Variants in CD72 observed in about 807,000 individuals in gnomAD.
CD72 encodes the protein B-cell differentiation antigen CD72.
In CD72, 28 loss-of-function variants were observed where a neutral mutation model predicts 50.7. The ratio of observed to expected loss-of-function variants is 0.55; its 90% CI spans 0.41 to 0.76. The LOEUF (loss-of-function observed/expected upper bound fraction) is 0.76. CD72 is among the 30% of genes least tolerant of loss of function. The probability of loss-of-function intolerance (pLI) is 0.00; values close to 1 mark genes in which losing one functional copy is unlikely to be tolerated. For synonymous variants in CD72, 176 were observed against 171.2 expected, an observed-to-expected ratio of 1.03 and a Z score of -0.22; for missense variants, 403 against 420.6, an observed-to-expected ratio of 0.96 and a Z score of 0.37.
chr9:35,619,312 G>A (rs1465575081), upstream of CD72, among the ~76,000 whole-genome samples: 4 of 152,118 alleles, frequency 2.6e-5, no homozygotes, highest in Non-Finnish European at 5.9e-5. Context: ...GGTGCCCAAA[G>A]GTGCTCCCTA....
intron 6 of CD72, 39 bp from the exon 7 acceptor site, chr9:35,611,958 G>T: frequency 9.1e-7 from 1 of 1,101,426 alleles, no homozygotes; most frequent in Non-Finnish European, 1.4e-6. Context: ...TACATGGAGA[G>T]TGATGAGAAA....
At chr9:35,643,561 G>A (rs17466775) in intron 1 of CD72, 26,976 of 152,108 alleles carry the variant, frequency 0.18, 2,967 homozygotes, top group Non-Finnish European at 0.24. Flanking sequence ...GACTAAGCGC[G>A]CCGAGTCAAA....
chr9:35,621,865 C>T (rs1320153554), upstream of CD72, among the ~76,000 whole-genome samples: 1 of 152,186 alleles, frequency 6.6e-6, no homozygotes, highest in Non-Finnish European at 1.5e-5. Flanking sequence ...AGCAGATTTT[C>T]CCCTTCAGCA....
In CD72 at chr9:35,610,661, T is replaced by C. The variant is rs376092798; in HGVS notation, c.1043A>G (p.Tyr348Cys). 13 of 1,613,950 alleles carry C rather than the reference T, an allele frequency of 8.1e-6. No homozygotes were observed. The highest frequency in any genetic ancestry group is 2.2e-5 in the East Asian group (1 of 44,890). ...ESESCRSSLPYICEMTAFRFP... is the reference protein window; with the variant it reads ...ESESCRSSLPCICEMTAFRFP... ...CCTGAAAGCTGTCATCTCACAGATGTAGGGAAGAGAACTTCTACATGACTC... is the reference window on the plus strand; with the variant it reads ...CCTGAAAGCTGTCATCTCACAGATGCAGGGAAGAGAACTTCTACATGACTC... The change falls in exon 8 of 9, where the codon TAC becomes TGC. Residue 348 changes from tyrosine (Y) to cysteine (C), a missense_variant. Coordinates refer to ENST00000259633, the MANE Select transcript of CD72 (RefSeq NM_001782.3).
chr9:35,618,756 C>T (rs1214931073), upstream of CD72: 8 of 1,287,154 alleles, frequency 6.2e-6, no homozygotes, highest in South Asian at 4.9e-5. Flanking sequence ...ACGATCTCCC[C>T]AGCTCCAGGG....
At chr9:35,616,428 T>C (rs1823065288) in intron 4 of CD72, 150 bp from the exon 5 acceptor site, 9 of 826,106 alleles carry the variant, frequency 1.1e-5, no homozygotes, top group Middle Eastern at 4.7e-4. Context: ...AAGGAGGTAC[T>C]GGATTAGGTG....
At chr9:35,622,594 C>T (rs193209259), upstream of CD72, among the ~76,000 whole-genome samples, 45 of 152,188 alleles carry the variant, frequency 3.0e-4, no homozygotes, top group Non-Finnish European at 3.2e-4. Context: ...CGAGACCAGC[C>T]TGGCCAATAT....
intron 7 of CD72, among the ~76,000 whole-genome samples, chr9:35,611,257 A>G (rs1486576037): frequency 1.3e-5 from 2 of 152,112 alleles, no homozygotes; most frequent in Non-Finnish European, 2.9e-5. Flanking sequence ...TCTCAAAAAA[A>G]AAAAAAAGAT....
intron 6 of CD72, among the ~76,000 whole-genome samples, 158 bp from the exon 7 acceptor site, chr9:35,612,077 G>T (rs1322484122): frequency 6.6e-6 from 1 of 152,242 alleles, no homozygotes; most frequent in African/African-American, 2.4e-5. Context: ...CCACCCTGCA[G>T]ATGCAGGCTC....
chr9:35,617,336 A>C (rs1823082000), intron 2 of CD72, 89 bp from the exon 3 acceptor site: 5 of 1,418,312 alleles, frequency 3.5e-6, no homozygotes, highest in Non-Finnish European at 1.9e-6. Flanking sequence ...CGCCACTGGG[A>C]AACTCCAGTC....
intron 3 of CD72, 32 bp from the exon 4 acceptor site, chr9:35,616,721 T>G: frequency 6.5e-7 from 1 of 1,543,086 alleles, no homozygotes; most frequent in Non-Finnish European, 8.9e-7. Context: ...ATGAGGGCAG[T>G]CAGCCCCCGT....
chr9:35,617,517 T>C (rs995231172), intron 2 of CD72, among the ~76,000 whole-genome samples: 1 of 152,034 alleles, frequency 6.6e-6, no homozygotes, highest in South Asian at 2.1e-4. Context: ...CCCTTATCTG[T>C]CGGCTCCAAA....
chr9:35,626,112 A>G (rs935718447), intron 1 of CD72, among the ~76,000 whole-genome samples: 3 of 151,264 alleles, frequency 2.0e-5, no homozygotes, highest in Non-Finnish European at 4.4e-5. Context: ...AAGTAAACTG[A>G]GAACCTTCTG....
chr9:35,620,868 C>T (rs919595444), upstream of CD72, among the ~76,000 whole-genome samples: 3 of 152,092 alleles, frequency 2.0e-5, no homozygotes, highest in Admixed American at 1.3e-4. Flanking sequence ...AACTGCACAC[C>T]GCAATATCTT....
chr9:35,638,802 A>G (rs1445909102), intron 1 of CD72, among the ~76,000 whole-genome samples: 3 of 151,746 alleles, frequency 2.0e-5, no homozygotes, highest in Non-Finnish European at 4.4e-5. Flanking sequence ...CCCCCAAAGG[A>G]ACTATCAGGC....
intron 3 of CD72, 168 bp from the exon 4 acceptor site, chr9:35,616,857 G>C: frequency 9.8e-7 from 1 of 1,023,192 alleles, no homozygotes. Context: ...GGGGTGTTTC[G>C]CAGGTAGGGG....
chr9:35,641,038 C>T (rs1171621208), intron 1 of CD72, among the ~76,000 whole-genome samples: 3 of 152,224 alleles, frequency 2.0e-5, no homozygotes, highest in African/African-American at 4.8e-5. Context: ...GATTCTTAGT[C>T]GGCCTAGGAA....
intron 2 of CD72, 61 bp downstream of exon 2, chr9:35,617,953 T>A (rs1823093313): frequency 1.0e-6 from 1 of 969,186 alleles, no homozygotes; most frequent in Admixed American, 1.7e-5. Flanking sequence ...AAAAACATTG[T>A]GGACTCCCCA....
In CD72 at chr9:35,617,177, G is replaced by T; in HGVS notation, c.261C>A (p.Pro87=). ...VTSPAVGRIL[P]CRTTCLRYLL... is the part of the protein sequence containing the mutation. ...GCTGCCCCGCACAGGCACACTCACA[G>T]GGGAGAATCCGCCCGACAGCTGGTG... is the stretch of plus-strand genomic sequence containing the variant. Residue 87 remains proline, a splice_region_variant and synonymous_variant, in exon 3 of 9, where the codon CCC becomes CCA. Transcript: ENST00000259633. 1.3e-6 allele frequency: 2 copies of T among 1,563,332 alleles called. No homozygotes were observed. Among genetic ancestry groups the T allele is most frequent in the Non-Finnish European group, 1.7e-6 (2 of 1,153,504 alleles).
Sources: allele counts gnomAD v4.1 joint callset (sites outside exome capture counted in the v4.1 genomes callset), GRCh38; gene constraint gnomAD v4.1.1; transcripts MANE v1.5; gene names NCBI Gene and HGNC (gene_info 2026-07-23, HGNC 2026-07-21).